ATF7IP: variants seen among roughly 807,000 people sequenced by gnomAD.
ATF7IP encodes the protein activating transcription factor 7 interacting protein, also known as activating transcription factor 7-interacting protein 1.
ATF7IP carries 23 observed loss-of-function variants against 106.4 expected under a neutral mutation model. The ratio of observed to expected loss-of-function variants is 0.22; its 90% CI spans 0.16 to 0.31. ATF7IP has a LOEUF of 0.31. ATF7IP is among the 10% of genes least tolerant of loss of function. The pLI, the probability that ATF7IP is intolerant of heterozygous loss-of-function variation, is 1.00. For missense variants in ATF7IP, 1,334 were observed against 1,524.3 expected (o/e 0.88, Z 2.08); for synonymous variants, 542 against 539.0 (o/e 1.01, Z -0.08).
chr12:14,434,202 C>A, intron 2 of ATF7IP, 135 bp from the exon 3 acceptor site: 1 of 588,244 alleles, frequency 1.7e-6, no homozygotes. Context: ...TTTTCCCCTC[C>A]CCAAATTTTA....
chr12:14,375,856 TG>T (rs1169204505), intron 1 of ATF7IP, among the ~76,000 whole-genome samples: 2 of 152,244 alleles, frequency 1.3e-5, no homozygotes, highest in Non-Finnish European at 2.9e-5. Context: ...CAGGGAGCCC[TG>T]CAGTACAGGG....
intron 1 of ATF7IP, among the ~76,000 whole-genome samples, chr12:14,422,007 A>T (rs1373281778): frequency 6.6e-6 from 1 of 152,182 alleles, no homozygotes; most frequent in Admixed American, 6.5e-5. Flanking sequence ...AATAATGTAA[A>T]TGACACATTA....
chr12:14,447,518 G>C (rs1943029598), intron 6 of ATF7IP, among the ~76,000 whole-genome samples: 1 of 151,976 alleles, frequency 6.6e-6, no homozygotes, highest in African/African-American at 2.4e-5. Context: ...CCAACATCAG[G>C]AGTCCATCTA....
chr12:14,396,339 C>G (rs1200235341), intron 1 of ATF7IP, among the ~76,000 whole-genome samples: 1 of 151,976 alleles, frequency 6.6e-6, no homozygotes, highest in Non-Finnish European at 1.5e-5. Context: ...TAGTTGTATA[C>G]TTTAAAACTG....
intron 13 of ATF7IP, among the ~76,000 whole-genome samples, chr12:14,484,888 A>G (rs1276629348): frequency 6.6e-6 from 1 of 152,148 alleles, no homozygotes; most frequent in Non-Finnish European, 1.5e-5. Flanking sequence ...CACCCAGTTC[A>G]TGATAGTCAT....
At chr12:14,423,549 TTTTC>T (rs2136547383) in intron 1 of ATF7IP, among the ~76,000 whole-genome samples, 1 of 150,688 alleles carries the variant, frequency 6.6e-6, no homozygotes, top group Admixed American at 6.6e-5. Flanking sequence ...ACACTTTTAT[TTTTC>T]TTTCTCATTT....
chr12:14,433,182 A>T (rs1270351207), intron 2 of ATF7IP, among the ~76,000 whole-genome samples: 1 of 152,104 alleles, frequency 6.6e-6, no homozygotes, highest in Non-Finnish European at 1.5e-5. Context: ...CAGTCTGCCC[A>T]ACATGGTGAA....
At chr12:14,370,047 C>T (rs1313575953) in intron 1 of ATF7IP, among the ~76,000 whole-genome samples, 2 of 151,954 alleles carry the variant, frequency 1.3e-5, no homozygotes, top group African/African-American at 2.4e-5. Context: ...AAATGATTCT[C>T]CTGCCTCAGC....
intron 1 of ATF7IP, among the ~76,000 whole-genome samples, chr12:14,384,853 A>G (rs996493551): frequency 4.1e-5 from 6 of 144,806 alleles, no homozygotes; most frequent in African/African-American, 1.5e-4. Flanking sequence ...AATTCTTTTC[A>G]TGATAAAACT....
chr12:14,484,106 C>G (rs1050516698), intron 13 of ATF7IP, among the ~76,000 whole-genome samples: 1 of 152,158 alleles, frequency 6.6e-6, no homozygotes. Context: ...GCTAGCTGAT[C>G]ACCCCGAGGA....
chr12:14,482,626 C>T (rs1020812075), intron 13 of ATF7IP: 1 of 152,188 alleles, frequency 6.6e-6, no homozygotes, highest in African/African-American at 2.4e-5. Context: ...ATTGTGCACA[C>T]CAGATTAAAG....
intron 13 of ATF7IP, among the ~76,000 whole-genome samples, chr12:14,491,085 C>A (rs976417040): frequency 1.3e-5 from 2 of 152,140 alleles, no homozygotes; most frequent in Non-Finnish European, 2.9e-5. Flanking sequence ...CTGACAGCAT[C>A]CCTCTCTGCC....
intron 13 of ATF7IP, among the ~76,000 whole-genome samples, chr12:14,490,781 C>T (rs1321898426): frequency 1.3e-5 from 2 of 152,098 alleles, no homozygotes; most frequent in East Asian, 1.9e-4. Flanking sequence ...TTACTTCTGC[C>T]GTCCGCACCT....
chr12:14,457,860 T>G (rs1943488136), intron 8 of ATF7IP, among the ~76,000 whole-genome samples: 1 of 152,116 alleles, frequency 6.6e-6, no homozygotes, highest in South Asian at 2.1e-4. Flanking sequence ...TTTGAGAGGC[T>G]GAGGCAGGCG....
chr12:14,406,111 A>AT (rs759906622), intron 1 of ATF7IP, among the ~76,000 whole-genome samples: 7 of 151,962 alleles, frequency 4.6e-5, no homozygotes, highest in Non-Finnish European at 5.9e-5. Context: ...TTGTTTTTTT[A>AT]TTTTTTGAGA....
chr12:14,476,535 T>G (rs1944270153), intron 11 of ATF7IP: 1 of 152,102 alleles, frequency 6.6e-6, no homozygotes, highest in African/African-American at 2.4e-5. Flanking sequence ...TTTGTATCTG[T>G]TATTTCACTT....
chr12:14,456,158 T>C (rs1350391480), intron 6 of ATF7IP, among the ~76,000 whole-genome samples: 2 of 152,196 alleles, frequency 1.3e-5, no homozygotes, highest in South Asian at 4.1e-4. Context: ...GTGGTGCTAA[T>C]ATGATGCCTG....
At chr12:14,402,245 A>C (rs1343933678) in intron 1 of ATF7IP, among the ~76,000 whole-genome samples, 2 of 149,918 alleles carry the variant, frequency 1.3e-5, no homozygotes, top group African/African-American at 4.9e-5. Flanking sequence ...CTCCCACCAC[A>C]GCCTCCCAGG....
At chr12:14,479,530 A>T (rs1461037272) in intron 12 of ATF7IP, among the ~76,000 whole-genome samples, 1 of 152,176 alleles carries the variant, frequency 6.6e-6, no homozygotes, top group Non-Finnish European at 1.5e-5. Flanking sequence ...ATCCAGTGAA[A>T]TTTATACTTA....
Sources: gnomAD v4.1 joint callset for allele counts (sites outside exome capture counted in the v4.1 genomes callset) on GRCh38, gnomAD v4.1.1 for gene constraint, MANE v1.5 for transcripts, NCBI Gene and HGNC (gene_info 2026-07-23, HGNC 2026-07-21) for gene names.